The following TRAF3 variants were observed in gnomAD, a reference collection of about 807,000 sequenced individuals.
TRAF3 encodes TNF receptor-associated factor 3.
A neutral mutation model predicts 62.3 loss-of-function variants in TRAF3; 13 were observed. That is an observed-to-expected ratio of 0.21 (90% CI 0.14 to 0.33). TRAF3 has a LOEUF of 0.33. Ranked by LOEUF, TRAF3 falls within the 10% of genes least tolerant of loss-of-function variation. The probability of loss-of-function intolerance (pLI) is 1.00; values close to 1 mark genes in which losing one functional copy is unlikely to be tolerated. For missense variants in TRAF3, 440 were observed against 741.8 expected (o/e 0.59, Z 4.73); for synonymous variants, 269 against 283.4 (o/e 0.95, Z 0.51).
intron 7 of TRAF3, 136 bp from the exon 8 acceptor site, chr14:102,889,424 G>A (rs1889585060): frequency 1.2e-6 from 1 of 850,444 alleles, no homozygotes; most frequent in Non-Finnish European, 2.0e-6. Flanking sequence ...AGTCTAGGCA[G>A]CAGATGATAT....
intron 1 of TRAF3, among the ~76,000 whole-genome samples, chr14:102,817,168 G>C (rs1244027136): frequency 6.6e-6 from 1 of 152,098 alleles, no homozygotes; most frequent in East Asian, 1.9e-4. Context: ...GGATATACAG[G>C]TCTGGGGGAA....
intron 10 of TRAF3, among the ~76,000 whole-genome samples, chr14:102,902,146 A>G (rs1595413220): frequency 6.6e-6 from 1 of 152,384 alleles, no homozygotes. Context: ...TTTCTGAATT[A>G]GTTAAATGAA....
chr14:102,827,499 A>G (rs575566697), intron 1 of TRAF3, among the ~76,000 whole-genome samples: 1 of 152,354 alleles, frequency 6.6e-6, no homozygotes, highest in African/African-American at 2.4e-5. Context: ...TTTATGCAAT[A>G]TTCTTAAATA....
rs1201447932 is a variant in TRAF3 at position 102,903,933 on chromosome 14, G to C, written c.1135+504G>C. 2.5e-6 allele frequency: 1 copy of C among 394,996 alleles called. No homozygotes were observed. The highest frequency in any genetic ancestry group is 2.8e-5 in the Admixed American group (1 of 35,764). The allele number at this position is 394,996 out of a possible 1,614,324, so 24.5% of individuals were successfully genotyped here. A position where few individuals can be genotyped will look rare whatever the true frequency, so the allele number is the denominator to read the frequency against. ...CATGAGGAGGATTAATGGCAGAAAG[G>C]AACACAGATTACCGGTGTGTGTGTG... On this transcript the variant is annotated intron_variant, in intron 11 of 11. Coordinates refer to ENST00000392745, the MANE Select transcript of TRAF3 (RefSeq NM_145725.3). The surrounding 1 kb of genome is among the most constrained non-coding windows in gnomAD (Gnocchi z 6.4).
At chr14:102,838,141 C>T (rs1026582277) in intron 2 of TRAF3, among the ~76,000 whole-genome samples, 6 of 152,228 alleles carry the variant, frequency 3.9e-5, no homozygotes, top group African/African-American at 1.4e-4. Flanking sequence ...TCTTCGTACT[C>T]TAGTTTCCTC....
At chr14:102,817,699 A>G (rs550845797) in intron 1 of TRAF3, among the ~76,000 whole-genome samples, 1 of 152,360 alleles carries the variant, frequency 6.6e-6, no homozygotes, top group East Asian at 1.9e-4. Flanking sequence ...AATTTCGAAT[A>G]CAAAATGTAA....
intron 2 of TRAF3, among the ~76,000 whole-genome samples, chr14:102,842,102 G>A (rs1214874869): frequency 4.6e-5 from 7 of 151,534 alleles, no homozygotes; most frequent in Admixed American, 3.3e-4. Context: ...AAAATTAGCC[G>A]GGCGTGGTGC....
chr14:102,818,343 C>G (rs1899666310), intron 1 of TRAF3, among the ~76,000 whole-genome samples: 1 of 152,168 alleles, frequency 6.6e-6, no homozygotes, highest in Non-Finnish European at 1.5e-5. Flanking sequence ...CCCTCCCACC[C>G]CCATTAAAGT....
rs770561452 is a variant in TRAF3, at chr14:102,905,757, G to A, written c.1680G>A (p.Val560=). ...ATACAATTTTTATTAAAGTCATAGT[G>A]GATACTTCGGATCTGCCCGATCCCT... ...KDDTIFIKVI[V]DTSDLPDP The change falls in exon 12 of 12, where the codon GTG becomes GTA. Residue 560 remains valine, a synonymous_variant. Transcript: ENST00000392745. 6.8e-6 allele frequency: 11 copies of A among 1,613,460 alleles called. No homozygotes were observed. Among genetic ancestry groups the A allele is most frequent in the Non-Finnish European group, 9.3e-6 (11 of 1,179,818 alleles).
intron 10 of TRAF3, among the ~76,000 whole-genome samples, chr14:102,898,677 T>C (rs1176131046): frequency 6.6e-6 from 1 of 152,222 alleles, no homozygotes; most frequent in African/African-American, 2.4e-5. Flanking sequence ...AACAAAAAGT[T>C]AGAATATACA....
chr14:102,808,598 A>G (rs1898919267), intron 1 of TRAF3, among the ~76,000 whole-genome samples: 1 of 152,148 alleles, frequency 6.6e-6, no homozygotes, highest in Non-Finnish European at 1.5e-5. Context: ...GAAATGTCTG[A>G]GAAGTTATTT....
intron 5 of TRAF3, 90 bp downstream of exon 5, chr14:102,875,818 C>A: frequency 9.0e-7 from 1 of 1,107,246 alleles, no homozygotes; most frequent in Non-Finnish European, 1.4e-6. Flanking sequence ...GGATGTGGCA[C>A]TTTAAGACCA....
At chr14:102,866,379 T>C (rs949858913) in intron 2 of TRAF3, among the ~76,000 whole-genome samples, 1 of 152,124 alleles carries the variant, frequency 6.6e-6, no homozygotes, top group Non-Finnish European at 1.5e-5. Context: ...CAAGTCTGCA[T>C]GTACTGCACA....
At chr14:102,823,736 CTT>C (rs1446211782) in intron 1 of TRAF3, among the ~76,000 whole-genome samples, 3 of 152,168 alleles carry the variant, frequency 2.0e-5, no homozygotes, top group Non-Finnish European at 4.4e-5. Context: ...TAAAAAATAA[CTT>C]TATTGAAATC....
Position 102,876,543 on chromosome 14 carries a change from C to G in TRAF3, c.570+18C>G, listed in dbSNP as rs771659712. ...CGCTGCAGGTGCGGGTCCTCCCATT[C>G]CACAGGCCTTCCACTCAATTCCTAT... On this transcript the variant is annotated intron_variant, in intron 6 of 11. Coordinates refer to ENST00000392745, the MANE Select transcript of TRAF3 (RefSeq NM_145725.3). The G allele has an allele frequency of 4.0e-5, 64 of 1,611,566 alleles. No individual in the cohort carries two copies. Among genetic ancestry groups the G allele is most frequent in the Non-Finnish European group, 5.3e-5 (62 of 1,179,302 alleles).
At chr14:102,877,491 A>G (rs1173441728) in intron 6 of TRAF3, among the ~76,000 whole-genome samples, 138 of 98,480 alleles carry the variant, frequency 1.4e-3, no homozygotes, top group East Asian at 2.3e-3. Flanking sequence ...CTTCCGCTCA[A>G]CTCATAGATA....
intron 11 of TRAF3, among the ~76,000 whole-genome samples, chr14:102,904,942 T>C (rs1890511140): frequency 1.3e-5 from 2 of 151,594 alleles, no homozygotes; most frequent in Admixed American, 6.6e-5. Flanking sequence ...CGAAACCCTG[T>C]CCCTACTAAA....
chr14:102,851,706 T>C (rs1226395737), intron 2 of TRAF3, among the ~76,000 whole-genome samples: 3 of 152,184 alleles, frequency 2.0e-5, no homozygotes, highest in African/African-American at 4.8e-5. Context: ...ATGGCGCCAC[T>C]GCACTCCAGC....
intron 1 of TRAF3, among the ~76,000 whole-genome samples, chr14:102,827,582 G>A (rs1183449964): frequency 6.6e-6 from 1 of 152,156 alleles, no homozygotes; most frequent in Non-Finnish European, 1.5e-5. Context: ...CTCTTGTGGT[G>A]GTATGTTGGT....
Sources: allele counts gnomAD v4.1 joint callset (sites outside exome capture counted in the v4.1 genomes callset), GRCh38; gene constraint gnomAD v4.1.1; non-coding constraint Gnocchi (gnomAD v3.1); transcripts MANE v1.5; gene names NCBI Gene and HGNC (gene_info 2026-07-23, HGNC 2026-07-21).